Variants in FSCN2 observed in about 807,000 individuals in gnomAD.
The protein encoded by FSCN2 is fascin actin-bundling protein 2, retinal.
A neutral mutation model predicts 37.8 loss-of-function variants in FSCN2; 46 were observed. That is an observed-to-expected ratio of 1.22 (90% confidence interval 0.96 to 1.56). The LOEUF (loss-of-function observed/expected upper bound fraction) is 1.56. FSCN2 is among the 40% of genes most tolerant of loss of function. The pLI, the probability that FSCN2 is intolerant of heterozygous loss-of-function variation, is 0.00. For synonymous variants in FSCN2, 351 were observed against 309.4 expected, an observed-to-expected ratio of 1.13 and a Z score of -1.41; for missense variants, 844 against 730.4, an observed-to-expected ratio of 1.16 and a Z score of -1.79.
chr17:81,534,154 G>A (rs574150857), intron 1 of FSCN2, among the ~76,000 whole-genome samples: 2 of 152,322 alleles, frequency 1.3e-5, no homozygotes, highest in East Asian at 3.9e-4. Context: ...TGGGGCGTGA[G>A]GGGCAGCTTT....
chr17:81,528,067 C>T (rs1192549936), upstream of FSCN2, among the ~76,000 whole-genome samples: 1 of 150,816 alleles, frequency 6.6e-6, no homozygotes, highest in Admixed American at 6.6e-5. Flanking sequence ...AGGGCTGGGC[C>T]GGGCCGGGCC....
At chr17:81,521,280 C>T in the FSCN2 span, among the ~76,000 whole-genome samples, 1 of 151,772 alleles carries the variant, frequency 6.6e-6, no homozygotes, top group African/African-American at 2.4e-5. Flanking sequence ...GTTGGTCAGG[C>T]TGGTCTCAAA....
At position 81,528,998 on chromosome 17, in the gene FSCN2, C is replaced by T. The variant is rs200503363; in HGVS notation, c.467C>T (p.Pro156Leu). 1.7e-4 allele frequency: 262 copies of T among 1,582,030 alleles called. 1 individual carries two copies. Among genetic ancestry groups the T allele is most frequent in the Admixed American group, 2.3e-4 (13 of 56,858 alleles). Reference sequence around the variant, plus strand: ...CGGCGGCGCTACGTGCACCTGTGCCCGCGGGAGGACGAGATGGCCGCAGAC... The same window carrying T: ...CGGCGGCGCTACGTGCACCTGTGCCTGCGGGAGGACGAGATGGCCGCAGAC... ...VSRRRYVHLC[P>L]REDEMAADGD... Residue 156 changes from proline to leucine, a missense_variant, in exon 1 of 5, where the codon CCG becomes CTG. Pro to Leu is a moderately conservative substitution (Grantham distance 98). Transcript: ENST00000417245.
the FSCN2 span, among the ~76,000 whole-genome samples, chr17:81,521,249 G>T: frequency 6.6e-6 from 1 of 151,938 alleles, no homozygotes; most frequent in African/African-American, 2.4e-5. Context: ...TGTATCTTTA[G>T]TAGAGACAGG....
chr17:81,535,738 CCATCCCCATCCCCCTCACCATCCT>C (rs1343573900), intron 2 of FSCN2, among the ~76,000 whole-genome samples: 25 of 97,554 alleles, frequency 2.6e-4, no homozygotes, highest in Non-Finnish European at 3.8e-4. Context: ...ATTTACATCC[CCATCCCCATCCCCCTCACCATCCT>C]CATCCCCATC....
the FSCN2 span, among the ~76,000 whole-genome samples, chr17:81,519,767 C>T: frequency 1.3e-5 from 2 of 152,126 alleles, no homozygotes; most frequent in East Asian, 1.9e-4. Flanking sequence ...GGGGGTGGCC[C>T]GGGCCTCCAC....
intron 1 of FSCN2, among the ~76,000 whole-genome samples, chr17:81,531,775 T>TGATGGC: frequency 7.2e-6 from 1 of 139,404 alleles, no homozygotes; most frequent in African/African-American, 2.8e-5. Flanking sequence ...GTGATGATAG[T>TGATGGC]GATGGTGATG....
chr17:81,534,949 A>G (rs765258485), intron 1 of FSCN2, 103 bp from the exon 2 acceptor site: 1 of 787,074 alleles, frequency 1.3e-6, no homozygotes, highest in Non-Finnish European at 1.9e-6. Flanking sequence ...AGGGTTCTAG[A>G]TGAGACCCAC....
At chr17:81,515,102 G>A in the FSCN2 span, among the ~76,000 whole-genome samples, 1 of 151,942 alleles carries the variant, frequency 6.6e-6, no homozygotes, top group African/African-American at 2.4e-5. Context: ...GCGGGGATGC[G>A]GGTCTGCCTG....
chr17:81,528,060 G>T (rs2032406686), upstream of FSCN2, among the ~76,000 whole-genome samples: 1 of 152,020 alleles, frequency 6.6e-6, no homozygotes, highest in South Asian at 2.1e-4. Context: ...ATCCGGAAGG[G>T]CTGGGCCGGG....
Position 81,529,069 on chromosome 17 carries a change from C to A in FSCN2, c.538C>A (p.Arg180=). Residue 180 remains arginine (R), a synonymous_variant, in exon 1 of 5, where the codon CGG becomes AGG. Coordinates refer to ENST00000417245, the MANE Select transcript of FSCN2 (RefSeq NM_012418.4). ...GVDALLTLIF[R]SRRYCLKSCD... Reference sequence around the variant, plus strand: ...GGACGCCCTCCTCACCCTCATCTTCCGGAGCCGACGGTACTGCCTCAAGTC... The same window carrying A: ...GGACGCCCTCCTCACCCTCATCTTCAGGAGCCGACGGTACTGCCTCAAGTC... 1 of 1,590,380 alleles carries A rather than the reference C, an allele frequency of 6.3e-7. No homozygotes were observed. Among genetic ancestry groups the A allele is most frequent in the African/African-American group, 1.3e-5 (1 of 74,606 alleles).
At chr17:81,519,257 G>T in the FSCN2 span, among the ~76,000 whole-genome samples, 1 of 152,096 alleles carries the variant, frequency 6.6e-6, no homozygotes, top group African/African-American at 2.4e-5. Flanking sequence ...CCACGCAGTC[G>T]ACCTCTCCTG....
chr17:81,525,549 C>T (rs2032326902), upstream of FSCN2, among the ~76,000 whole-genome samples: 1 of 147,446 alleles, frequency 6.8e-6, no homozygotes, highest in African/African-American at 2.5e-5. Flanking sequence ...AATGAAGCCC[C>T]GTGTCTACTA....
At chr17:81,532,380 GTGATGGCGA>G (rs1487275923) in intron 1 of FSCN2, among the ~76,000 whole-genome samples, 1 of 134,966 alleles carries the variant, frequency 7.4e-6, no homozygotes, top group South Asian at 2.5e-4. Flanking sequence ...GGTGATGATA[GTGATGGCGA>G]TGATGGTGAT....
At chr17:81,525,988 C>T (rs2032338305), upstream of FSCN2, among the ~76,000 whole-genome samples, 1 of 152,232 alleles carries the variant, frequency 6.6e-6, no homozygotes. Flanking sequence ...TGGGTCAGTG[C>T]CAGGCAGCCC....
rs1275337718 is a variant in FSCN2 at position 81,536,912 on chromosome 17, C to G, written c.1311C>G (p.Gly437=). The change falls in exon 5 of 5, where the codon GGC becomes GGG. Residue 437 remains glycine, a synonymous_variant. Coordinates refer to ENST00000417245, the MANE Select transcript of FSCN2 (RefSeq NM_012418.4). ...DGGFWYTGSH[G]SVCSDGERAE... ...GGTTCTGGTACACGGGCAGCCACGGCAGCGTGTGCAGCGACGGCGAACGCG... is the reference window on the plus strand; with the variant it reads ...GGTTCTGGTACACGGGCAGCCACGGGAGCGTGTGCAGCGACGGCGAACGCG... 2 of 1,575,060 alleles carry G rather than the reference C, an allele frequency of 1.3e-6. No individual in the cohort carries two copies. Among genetic ancestry groups the G allele is most frequent in the Admixed American group, 3.5e-5 (2 of 56,874 alleles).
In FSCN2 at chr17:81,528,661, C is replaced by T. The variant is rs200925863; in HGVS notation, c.130C>T (p.Gln44Ter). Residue 44 changes from glutamine (Q) to a stop codon, truncating the protein, a stop_gained, in exon 1 of 5, where the codon CAG (glutamine) becomes TAG (stop). Coordinates refer to ENST00000417245, the MANE Select transcript of FSCN2 (RefSeq NM_012418.4). LOFTEE classifies it high-confidence loss of function. The part of the protein sequence containing the change: ...NASAPSLKRK[Q>*]TWVLEPDPGQ... ...CTCGGCACCCAGCCTCAAGAGGAAG[C>T]AGACCTGGGTGCTGGAACCCGACCC... 286 of 1,602,304 alleles carry T rather than the reference C, an allele frequency of 1.8e-4. No homozygotes were observed. Among genetic ancestry groups the T allele is most frequent in the Non-Finnish European group, 2.1e-4 (251 of 1,175,208 alleles).
intron 1 of FSCN2, chr17:81,530,228 T>G: frequency 7.5e-6 from 2 of 266,746 alleles, no homozygotes; most frequent in South Asian, 3.5e-5. Flanking sequence ...TCCTCAGGAG[T>G]GGGGGGGCTT....
In FSCN2 at chr17:81,537,068, T is replaced by C. The variant is rs1393167225; in HGVS notation, c.1467T>C (p.Leu489=). ...ADADAPAGTA[L]WEY ...CCGACGCCCCGGCCGGGACCGCGCT[T>C]TGGGAGTACTGAGGCCGCGCCCAGA... The change falls in exon 5 of 5, where the codon CTT becomes CTC. Residue 489 remains leucine (L), a synonymous_variant. Transcript: ENST00000417245. The C allele has an allele frequency of 4.8e-6, 7 of 1,453,520 alleles. No homozygotes were observed. The highest frequency in any genetic ancestry group is 1.9e-4 in the Middle Eastern group (1 of 5,330). 90.0% of individuals were successfully genotyped at this position (1,453,520 alleles called of 1,614,324 possible).
Sources: gnomAD v4.1 joint callset for allele counts (sites outside exome capture counted in the v4.1 genomes callset) on GRCh38, gnomAD v4.1.1 for gene constraint, MANE v1.5 for transcripts, NCBI Gene and HGNC (gene_info 2026-07-23, HGNC 2026-07-21) for gene names.